CDH4: variants seen among roughly 807,000 people sequenced by gnomAD.
CDH4 encodes cadherin-4.
A neutral mutation model predicts 86.0 loss-of-function variants in CDH4; 33 were observed. The observed-to-expected ratio is 0.38, with a 90% CI of 0.29 to 0.51. The LOEUF (loss-of-function observed/expected upper bound fraction) is 0.51. Among genes scored for constraint, CDH4 ranks in the 20% least tolerant of loss-of-function variants. CDH4 has a pLI of 0.86. For missense variants in CDH4, 1,114 were observed against 1,307.4 expected (o/e 0.85, Z 2.28); for synonymous variants, 555 against 549.4 (o/e 1.01, Z -0.14).
At chr20:61,831,780 T>G (rs1981628301) in intron 4 of CDH4, among the ~76,000 whole-genome samples, 1 of 152,220 alleles carries the variant, frequency 6.6e-6, no homozygotes, top group African/African-American at 2.4e-5. Context: ...TTCCCAGCGT[T>G]AAGGGGAGAA....
At chr20:61,375,170 G>C (rs1405407937) in intron 2 of CDH4, among the ~76,000 whole-genome samples, 2 of 152,122 alleles carry the variant, frequency 1.3e-5, no homozygotes, top group Admixed American at 6.5e-5. Context: ...CACAGGCCAG[G>C]GTCACTCATA....
At chr20:61,345,443 CA>C (rs2084673295) in intron 2 of CDH4, among the ~76,000 whole-genome samples, 1 of 152,222 alleles carries the variant, frequency 6.6e-6, no homozygotes, top group Non-Finnish European at 1.5e-5. Flanking sequence ...TTTCATTGAA[CA>C]TTCCGTATTT....
chr20:61,555,969 C>T (rs555596352), intron 2 of CDH4, among the ~76,000 whole-genome samples: 1 of 152,192 alleles, frequency 6.6e-6, no homozygotes, highest in Admixed American at 6.5e-5. Flanking sequence ...TAAAGAAAGA[C>T]AGCACATTGT....
At chr20:61,824,725 G>A (rs1263131557) in intron 4 of CDH4, among the ~76,000 whole-genome samples, 2 of 152,190 alleles carry the variant, frequency 1.3e-5, no homozygotes, top group African/African-American at 4.8e-5. Context: ...AGAAGAGGGG[G>A]GAAATCCTTT....
chr20:61,416,064 C>T (rs189126279), intron 2 of CDH4, among the ~76,000 whole-genome samples: 183 of 146,228 alleles, frequency 1.3e-3, no homozygotes, highest in African/African-American at 4.5e-3. Context: ...CAAGCTGGCA[C>T]GATCTCAGCT....
chr20:61,298,097 T>C (rs1329698509), intron 2 of CDH4, among the ~76,000 whole-genome samples: 1 of 152,150 alleles, frequency 6.6e-6, no homozygotes, highest in East Asian at 1.9e-4. Context: ...TTGGCATTCA[T>C]TGGGGCAGCC....
intron 2 of CDH4, among the ~76,000 whole-genome samples, chr20:61,367,448 G>A (rs904901105): frequency 6.6e-6 from 1 of 152,088 alleles, no homozygotes; most frequent in Non-Finnish European, 1.5e-5. Context: ...TGGTGGGAAT[G>A]TGATAAAAGA....
At chr20:61,695,789 A>G (rs529159699) in intron 2 of CDH4, among the ~76,000 whole-genome samples, 95 of 152,202 alleles carry the variant, frequency 6.2e-4, no homozygotes, top group African/African-American at 2.2e-3. Flanking sequence ...ATTTGCACCA[A>G]CCTCCTTCGT....
chr20:61,810,594 T>TGCCTCCC lies in CDH4; in HGVS notation c.577-34070_577-34064dup, dbSNP rs796294192. On this transcript the variant is annotated intron_variant, in intron 4 of 15. Transcript: ENST00000614565. The surrounding 1 kb of genome is among the most constrained non-coding windows in gnomAD (Gnocchi z 4.3). ...CGTGTGCCCGCCTCACCCTGCCTCC[T>TGCCTCCC]GCCTCCCGCCCTGCTCCCATCCACC... 1.7e-3 allele frequency among the ~76,000 whole-genome samples: 254 copies of TGCCTCCC among 152,278 alleles called. No individual in the cohort carries two copies. The highest frequency in any genetic ancestry group is 5.9e-3 in the African/African-American group (246 of 41,566).
chr20:61,714,102 A>C (rs1433765049), intron 2 of CDH4, among the ~76,000 whole-genome samples: 6 of 149,464 alleles, frequency 4.0e-5, no homozygotes, highest in African/African-American at 1.5e-4. Flanking sequence ...GCTGGAGTGC[A>C]GTGGCGTGAT....
chr20:61,896,757 C>T (rs977018136), intron 8 of CDH4, among the ~76,000 whole-genome samples: 4 of 152,182 alleles, frequency 2.6e-5, no homozygotes, highest in East Asian at 1.9e-4. Context: ...GCCAGGCTGC[C>T]GGGGAGTCTG....
At chr20:61,286,649 G>C (rs1287611769) in intron 2 of CDH4, among the ~76,000 whole-genome samples, 1 of 152,208 alleles carries the variant, frequency 6.6e-6, no homozygotes, top group East Asian at 1.9e-4. Context: ...GTATTGCTCT[G>C]GTTCACAAGA....
intron 2 of CDH4, among the ~76,000 whole-genome samples, chr20:61,532,244 G>A (rs1282598265): frequency 6.6e-6 from 1 of 152,218 alleles, no homozygotes; most frequent in Non-Finnish European, 1.5e-5. Flanking sequence ...AGTTTGCTGG[G>A]TTTTTCTCTC....
intron 11 of CDH4, 60 bp downstream of exon 11, chr20:61,924,536 G>T (rs1374949943): frequency 1.3e-6 from 2 of 1,560,396 alleles, no homozygotes; most frequent in East Asian, 2.3e-5. Context: ...TGGGTTCTGT[G>T]GGCGAGGGAG....
At chr20:61,666,879 C>T (rs912248608) in intron 2 of CDH4, among the ~76,000 whole-genome samples, 5 of 152,362 alleles carry the variant, frequency 3.3e-5, no homozygotes, top group Non-Finnish European at 7.3e-5. Flanking sequence ...TCCGCTTCCC[C>T]TGGGAGTGTG....
intron 2 of CDH4, among the ~76,000 whole-genome samples, chr20:61,561,121 C>T (rs1228830869): frequency 3.3e-5 from 5 of 152,176 alleles, no homozygotes; most frequent in African/African-American, 9.7e-5. Flanking sequence ...GCTGTCCCCA[C>T]CCCACCACCC....
intron 4 of CDH4, among the ~76,000 whole-genome samples, chr20:61,815,711 G>A (rs1319713680): frequency 2.0e-5 from 3 of 152,208 alleles, no homozygotes; most frequent in Non-Finnish European, 4.4e-5. Context: ...CCCGGCTGAG[G>A]GAGGTCCAGG....
chr20:61,935,608 A>G (rs1217889909), intron 15 of CDH4, among the ~76,000 whole-genome samples: 1 of 152,140 alleles, frequency 6.6e-6, no homozygotes, highest in South Asian at 2.1e-4. Context: ...AAATACAAAA[A>G]TTAGCCGGCG....
intron 2 of CDH4, among the ~76,000 whole-genome samples, chr20:61,565,233 G>GCGGTGCTCTTGGTGGTGGCGGTGCTCT (rs1555809113): frequency 2.1e-5 from 1 of 46,742 alleles, no homozygotes; most frequent in Non-Finnish European, 4.1e-5. Context: ...GGTGGTGGTG[G>GCGGTGCTCTTGGTGGTGGCGGTGCTCT]TGGTGGTGGC....
Sources: gnomAD v4.1 joint callset for allele counts (sites outside exome capture counted in the v4.1 genomes callset) on GRCh38, gnomAD v4.1.1 for gene constraint, Gnocchi (gnomAD v3.1) non-coding constraint, MANE v1.5 for transcripts, NCBI Gene and HGNC (gene_info 2026-07-23, HGNC 2026-07-21) for gene names.